The following DLG2 variants were observed in gnomAD, a reference collection of about 807,000 sequenced individuals.
DLG2 encodes disks large homolog 2.
A neutral mutation model predicts 132.5 loss-of-function variants in DLG2; 45 were observed. The ratio of observed to expected loss-of-function variants is 0.34; its 90% confidence interval spans 0.27 to 0.44. DLG2 has a LOEUF of 0.44. Among genes scored for constraint, DLG2 ranks in the 20% least tolerant of loss-of-function variants. DLG2 has a pLI of 1.00. For synonymous variants in DLG2, 424 were observed against 419.6 expected (o/e 1.01, Z -0.13); for missense variants, 1,045 against 1,196.9 (o/e 0.87, Z 1.87).
chr11:85,273,126 T>C (rs949275075), intron 4 of DLG2, among the ~76,000 whole-genome samples: 1 of 152,178 alleles, frequency 6.6e-6, no homozygotes, highest in African/African-American at 2.4e-5. Flanking sequence ...AAGACTTAAA[T>C]ATTAGACCTA....
intron 5 of DLG2, among the ~76,000 whole-genome samples, chr11:85,132,570 C>A (rs1321001323): frequency 6.6e-6 from 1 of 151,842 alleles, no homozygotes; most frequent in Non-Finnish European, 1.5e-5. Context: ...CACAAACATG[C>A]AATATCACTT....
intron 7 of DLG2, among the ~76,000 whole-genome samples, chr11:84,289,337 A>G (rs1645889941): frequency 6.6e-6 from 1 of 152,146 alleles, no homozygotes; most frequent in Admixed American, 6.6e-5. Context: ...GGAAATTAGG[A>G]AAATTACAAG....
At chr11:84,765,130 G>A (rs2068222661) in intron 6 of DLG2, among the ~76,000 whole-genome samples, 8 of 152,050 alleles carry the variant, frequency 5.3e-5, no homozygotes, top group Admixed American at 4.6e-4. Flanking sequence ...ACCTCAAGGG[G>A]ATTTTAAGCT....
chr11:84,252,430 C>A (rs1464140515), intron 7 of DLG2, among the ~76,000 whole-genome samples: 1 of 151,964 alleles, frequency 6.6e-6, no homozygotes, highest in African/African-American at 2.4e-5. Context: ...AACAAGCATG[C>A]CCTGCCATAT....
Position 83,685,957 on chromosome 11 carries a change from CT to C in DLG2, c.1826-52633del, listed in dbSNP as rs140545631. Among the ~76,000 whole-genome samples, 1,114 of 152,106 alleles carry C rather than the reference CT, an allele frequency of 7.3e-3. 23 individuals carry two copies. Among genetic ancestry groups the C allele is most frequent in the African/African-American group, 0.026 (1,078 of 41,498 alleles). On this transcript the variant is annotated intron_variant, in intron 18 of 27. Coordinates refer to ENST00000376104, the MANE Select transcript of DLG2 (RefSeq NM_001142699.3). Reference sequence around the variant, plus strand: ...CTCCTTTTTATCTTACACCCCATGCCTTATTCATCATCAAATCCTGTCAACT... The same window carrying C: ...CTCCTTTTTATCTTACACCCCATGCCTATTCATCATCAAATCCTGTCAACT...
chr11:85,212,858 C>T (rs912532290), intron 4 of DLG2, among the ~76,000 whole-genome samples: 3 of 152,052 alleles, frequency 2.0e-5, no homozygotes, highest in Non-Finnish European at 4.4e-5. Flanking sequence ...CCTTTCTCAT[C>T]CTATTACCTC....
intron 3 of DLG2, among the ~76,000 whole-genome samples, chr11:85,381,591 A>G (rs1209402405): frequency 6.6e-6 from 1 of 152,136 alleles, no homozygotes; most frequent in African/African-American, 2.4e-5. Flanking sequence ...GATCTCGTAT[A>G]TAGAAAATAC....
intron 7 of DLG2, among the ~76,000 whole-genome samples, chr11:84,353,731 T>G (rs761954697): frequency 1.1e-4 from 16 of 152,198 alleles, no homozygotes; most frequent in Non-Finnish European, 1.9e-4. Context: ...CTTGTCTTCT[T>G]GGCTCTGTGT....
intron 6 of DLG2, among the ~76,000 whole-genome samples, chr11:84,730,383 C>T (rs1158162579): frequency 2.0e-5 from 3 of 152,146 alleles, no homozygotes; most frequent in African/African-American, 7.2e-5. Context: ...TTAATAAATG[C>T]TTAATAATAT....
chr11:83,868,525 T>C (rs928044799), intron 16 of DLG2, among the ~76,000 whole-genome samples: 9 of 152,156 alleles, frequency 5.9e-5, no homozygotes, highest in South Asian at 2.1e-4. Context: ...CATATGTGTG[T>C]GTATATATAC....
chr11:83,570,093 T>C (rs1009219422), intron 19 of DLG2, among the ~76,000 whole-genome samples: 1 of 152,210 alleles, frequency 6.6e-6, no homozygotes, highest in East Asian at 1.9e-4. Context: ...CTACTTCATA[T>C]CCAGTTGTTA....
chr11:84,559,398 A>G (rs1744180981), intron 6 of DLG2, among the ~76,000 whole-genome samples: 1 of 152,196 alleles, frequency 6.6e-6, no homozygotes, highest in South Asian at 2.1e-4. Flanking sequence ...TATGTAAATT[A>G]GTATAATATA....
chr11:84,519,845 T>C (rs1053019554), intron 7 of DLG2, among the ~76,000 whole-genome samples: 7 of 152,218 alleles, frequency 4.6e-5, no homozygotes, highest in African/African-American at 1.7e-4. Flanking sequence ...CTATGTTCCA[T>C]AGGAAGTCCA....
At chr11:83,483,282 C>G (rs778057078) in intron 22 of DLG2, 1 of 1,612,976 alleles carries the variant, frequency 6.2e-7, no homozygotes, top group Non-Finnish European at 8.5e-7. Context: ...ACCGTCGTCA[C>G]CTAATCCGGG....
intron 3 of DLG2, among the ~76,000 whole-genome samples, chr11:85,397,624 C>T (rs1280522518): frequency 6.6e-6 from 1 of 152,054 alleles, no homozygotes; most frequent in Non-Finnish European, 1.5e-5. Flanking sequence ...GCAGGAGTTG[C>T]AATCCTAGTC....
At chr11:83,713,259 T>G (rs984148650) in intron 18 of DLG2, among the ~76,000 whole-genome samples, 2 of 152,208 alleles carry the variant, frequency 1.3e-5, no homozygotes, top group Non-Finnish European at 2.9e-5. Context: ...TTCCACAATT[T>G]TCCCCATAAG....
chr11:85,465,865 C>T (rs1417019843), intron 3 of DLG2, among the ~76,000 whole-genome samples: 2 of 151,806 alleles, frequency 1.3e-5, no homozygotes, highest in Non-Finnish European at 2.9e-5. Context: ...GTTCTAGATC[C>T]CTGAGGAATC....
intron 7 of DLG2, among the ~76,000 whole-genome samples, chr11:84,430,789 T>C (rs142279418): frequency 6.6e-6 from 1 of 152,318 alleles, no homozygotes; most frequent in African/African-American, 2.4e-5. Flanking sequence ...GCTGCTTGAT[T>C]CACCTTCCAG....
intron 18 of DLG2, among the ~76,000 whole-genome samples, chr11:83,721,886 T>C (rs2088678629): frequency 6.6e-6 from 1 of 152,154 alleles, no homozygotes; most frequent in Non-Finnish European, 1.5e-5. Context: ...AAAATTTACA[T>C]TGAAGAACTC....
Sources: allele counts gnomAD v4.1 joint callset (sites outside exome capture counted in the v4.1 genomes callset), GRCh38; gene constraint gnomAD v4.1.1; transcripts MANE v1.5; gene names NCBI Gene and HGNC (gene_info 2026-07-23, HGNC 2026-07-21).